Variants in ADCY3 observed in about 807,000 individuals in gnomAD.
ADCY3 encodes adenylate cyclase 3, also known as adenylate cyclase type 3.
Under a neutral mutation model 119.4 loss-of-function variants are expected in ADCY3, and 70 were observed. The observed-to-expected ratio is 0.59, with a 90% CI of 0.48 to 0.72. The LOEUF (loss-of-function observed/expected upper bound fraction) is 0.72. Ranked by LOEUF, ADCY3 falls within the 30% of genes least tolerant of loss-of-function variation. The pLI is 0.00. For missense variants in ADCY3, 1,238 were observed against 1,541.6 expected, an observed-to-expected ratio of 0.80 and a Z score of 3.30; for synonymous variants, 672 against 621.4, an observed-to-expected ratio of 1.08 and a Z score of -1.21.
chr2:24,910,046 C>T (rs968471316), intron 2 of ADCY3, among the ~76,000 whole-genome samples: 1 of 152,192 alleles, frequency 6.6e-6, no homozygotes, highest in African/African-American at 2.4e-5. Flanking sequence ...GTAAAGGCTT[C>T]TTAGAACTTG....
intron 2 of ADCY3, among the ~76,000 whole-genome samples, chr2:24,910,661 C>CTTTTTTTTTT (rs59644324): frequency 3.0e-5 from 4 of 131,454 alleles, no homozygotes; most frequent in Non-Finnish European, 3.2e-5. Context: ...CTTTTCTTTT[C>CTTTTTTTTTT]TTTTTTTTTT....
chr2:24,857,305 C>A (rs1205192229), intron 3 of ADCY3, among the ~76,000 whole-genome samples: 2 of 152,190 alleles, frequency 1.3e-5, no homozygotes, highest in Non-Finnish European at 2.9e-5. Flanking sequence ...TACCTGGAGC[C>A]CTCACCACGA....
intron 2 of ADCY3, among the ~76,000 whole-genome samples, chr2:24,890,676 C>G (rs2148931215): frequency 6.6e-6 from 1 of 152,174 alleles, no homozygotes; most frequent in East Asian, 1.9e-4. Context: ...CATTTGTGTC[C>G]TCCCTCATTT....
rs189864447 is a variant in ADCY3 at position 24,878,008 on chromosome 2, G to A, written c.676-5289C>T. The A allele has an allele frequency of 5.5e-5, 26 of 469,434 alleles. No homozygotes were observed. Among genetic ancestry groups the A allele is most frequent in the Admixed American group, 2.4e-4 (10 of 42,466 alleles). 29.1% of individuals were successfully genotyped at this position (469,434 alleles called of 1,614,324 possible). The stretch of plus-strand genomic sequence containing the variant: ...TGGTCCCCTTTAGACTGCACAGCAC[G>A]ATCAGGCTCTGTGGTGACAGAGGTC... On this transcript the variant is annotated intron_variant, in intron 2 of 21. Coordinates refer to ENST00000679454, the MANE Select transcript of ADCY3 (RefSeq NM_004036.5). This position sits in a 1 kb window ranked among gnomAD's most constrained non-coding sequence, Gnocchi z 4.0.
intron 18 of ADCY3, 75 bp from the exon 19 acceptor site, chr2:24,822,705 T>C (rs1233050890): frequency 8.8e-5 from 139 of 1,576,012 alleles, no homozygotes; most frequent in Non-Finnish European, 7.4e-5. Context: ...CAGATGTACC[T>C]GTTTACAAGG....
intron 3 of ADCY3, among the ~76,000 whole-genome samples, chr2:24,858,862 C>T (rs2148709124): frequency 6.6e-6 from 1 of 152,350 alleles, no homozygotes; most frequent in African/African-American, 2.4e-5. Flanking sequence ...CCAACATCCT[C>T]CCACTGCCAC....
At chr2:24,831,579 A>G (rs1267202631) in intron 12 of ADCY3, 83 bp downstream of exon 12, 1 of 1,101,332 alleles carries the variant, frequency 9.1e-7, no homozygotes. Context: ...TGACAGAAAG[A>G]ATAACTCCAT....
At chr2:24,861,738 A>G (rs964225820) in intron 3 of ADCY3, among the ~76,000 whole-genome samples, 1 of 152,092 alleles carries the variant, frequency 6.6e-6, no homozygotes, top group Admixed American at 6.5e-5. Context: ...CTTGGGAGGG[A>G]GTGACCTCTG....
chr2:24,896,939 G>A (rs549431131), intron 2 of ADCY3, among the ~76,000 whole-genome samples: 80 of 152,202 alleles, frequency 5.3e-4, no homozygotes, highest in African/African-American at 1.8e-3. Context: ...GGGCTCACTC[G>A]GTTAGTCTTC....
Position 24,918,536 on chromosome 2 carries a change from A to G in ADCY3, c.452T>C (p.Ile151Thr). The change falls in exon 2 of 22, where the codon ATC (isoleucine) becomes ACC (threonine). Residue 151 changes from isoleucine to threonine, a missense_variant. Physicochemically the swap from Ile to Thr is moderately conservative, Grantham distance 89. Transcript: ENST00000679454. This position sits in a 1 kb window ranked among gnomAD's most constrained non-coding sequence, Gnocchi z 5.4. ...YVLWLLITAQ[I>T]FSYLGLNFAR... ...GAAGTTCAGGCCCAGGTAGGAGAAG[A>G]TCTGGGCGGTTATGAGCAGCCACAG... is the stretch of plus-strand genomic sequence containing the variant. 6.2e-7 allele frequency: 1 copy of G among 1,614,012 alleles called. No individual in the cohort carries two copies. The highest frequency in any genetic ancestry group is 8.5e-7 in the Non-Finnish European group (1 of 1,179,958).
intron 6 of ADCY3, chr2:24,840,471 T>C (rs891009285): frequency 7.2e-6 from 3 of 419,256 alleles, no homozygotes; most frequent in Non-Finnish European, 1.5e-5. Flanking sequence ...CTACCACCCC[T>C]GGGGTAAAGG....
intron 3 of ADCY3, among the ~76,000 whole-genome samples, chr2:24,861,205 C>T (rs370097951): frequency 1.4e-5 from 2 of 146,012 alleles, no homozygotes; most frequent in East Asian, 2.0e-4. Flanking sequence ...GAGCCAAGAT[C>T]GTGCCACTGC....
Position 24,919,107 on chromosome 2 carries a change from C to T in ADCY3, c.-120G>A. ...GGGAGGGCTGAGGGCCTCTTCTTGTCTGGGGCGGAGGGGAGGCCACCTCCA... is the reference window on the plus strand; with the variant it reads ...GGGAGGGCTGAGGGCCTCTTCTTGTTTGGGGCGGAGGGGAGGCCACCTCCA... On this transcript the variant is annotated 5_prime_UTR_variant, in exon 2 of 22. Transcript: ENST00000679454. The surrounding 1 kb of genome is among the most constrained non-coding windows in gnomAD (Gnocchi z 5.5). 8.7e-7 allele frequency: 1 copy of T among 1,145,630 alleles called. No individual in the cohort carries two copies. Among genetic ancestry groups the T allele is most frequent in the Non-Finnish European group, 1.2e-6 (1 of 833,786 alleles). The allele number at this position is 1,145,630 out of a possible 1,614,324, so 71.0% of individuals were successfully genotyped here.
intron 3 of ADCY3, among the ~76,000 whole-genome samples, chr2:24,870,158 A>T (rs1012464742): frequency 1.3e-4 from 7 of 54,308 alleles, no homozygotes; most frequent in South Asian, 6.6e-4. Context: ...CTAAAAATAT[A>T]AAAAAAAAAA....
At chr2:24,850,176 C>G (rs1461648594) in intron 3 of ADCY3, among the ~76,000 whole-genome samples, 1 of 152,116 alleles carries the variant, frequency 6.6e-6, no homozygotes, top group Non-Finnish European at 1.5e-5. Flanking sequence ...GTTCCTCCCT[C>G]CTCACTAACA....
chr2:24,913,194 A>T (rs574088117), intron 2 of ADCY3, among the ~76,000 whole-genome samples: 1 of 152,304 alleles, frequency 6.6e-6, no homozygotes, highest in African/African-American at 2.4e-5. Flanking sequence ...GAAGGCTGAA[A>T]GCCCCCAGGC....
At position 24,820,862 on chromosome 2, in the gene ADCY3, A is replaced by G; in HGVS notation, c.3128-14T>C. The G allele has an allele frequency of 1.2e-6, 2 of 1,613,398 alleles. No individual in the cohort carries two copies. The highest frequency in any genetic ancestry group is 1.7e-6 in the Non-Finnish European group (2 of 1,179,544). ...CTTTGTTCATGCCTAGGGTAGAGGC[A>G]TAAAGTTCAGCACAGCCACAGGCCA... On this transcript the variant is annotated splice_polypyrimidine_tract_variant and intron_variant, in intron 20 of 21. Transcript: ENST00000679454.
Position 24,822,538 on chromosome 2 carries a change from G to A in ADCY3, c.2976C>T (p.Asn992=), listed in dbSNP as rs1667937666. The A allele has an allele frequency of 5.0e-6, 8 of 1,614,050 alleles. No homozygotes were observed. The highest frequency in any genetic ancestry group is 1.3e-5 in the African/African-American group (1 of 75,032). ...TGTTGGAGCTGGCAAAGCCATTGGT[G>A]TTGACATCGGGGGTGACTCCTGAAG... The part of the protein sequence containing the change: ...MAASGVTPDV[N]TNGFASSNKE... Residue 992 remains asparagine, a synonymous_variant, in exon 19 of 22, where the codon AAC becomes AAT. Coordinates refer to ENST00000679454, the MANE Select transcript of ADCY3 (RefSeq NM_004036.5).
chr2:24,831,088 C>T (rs560068877), intron 12 of ADCY3, among the ~76,000 whole-genome samples: 2 of 152,134 alleles, frequency 1.3e-5, no homozygotes, highest in African/African-American at 4.8e-5. Context: ...GACGTGGTGA[C>T]GAGGTGAGGC....
Sources: allele counts gnomAD v4.1 joint callset (sites outside exome capture counted in the v4.1 genomes callset), GRCh38; gene constraint gnomAD v4.1.1; non-coding constraint Gnocchi (gnomAD v3.1); transcripts MANE v1.5; gene names NCBI Gene and HGNC (gene_info 2026-07-23, HGNC 2026-07-21).